CALCR: variants seen among roughly 807,000 people sequenced by gnomAD.
The protein encoded by CALCR is calcitonin receptor.
Under a neutral mutation model 59.5 loss-of-function variants are expected in CALCR, and 47 were observed. The observed-to-expected ratio is 0.79, with a 90% confidence interval of 0.63 to 1.01. The LOEUF is 1.01. Among genes scored for constraint, CALCR ranks in the 50% least tolerant of loss-of-function variants. CALCR has a pLI of 0.00. For missense variants in CALCR, 566 were observed against 597.1 expected (o/e 0.95, Z 0.54); for synonymous variants, 213 against 211.3 (o/e 1.01, Z -0.07).
chr7:93,472,542 A>T (rs1244977355), intron 5 of CALCR, 55 bp from the exon 6 acceptor site: 10 of 1,030,886 alleles, frequency 9.7e-6, no homozygotes, highest in Non-Finnish European at 1.5e-5. Context: ...CCAACAAGGA[A>T]AAATAATAAA....
intron 8 of CALCR, among the ~76,000 whole-genome samples, chr7:93,453,926 A>C (rs1226201047): frequency 6.6e-6 from 1 of 152,094 alleles, no homozygotes; most frequent in Non-Finnish European, 1.5e-5. Flanking sequence ...AAGTAAACTG[A>C]AGTAGCATAG....
At chr7:93,554,774 T>C (rs1467077048) in intron 2 of CALCR, among the ~76,000 whole-genome samples, 1 of 115,494 alleles carries the variant, frequency 8.7e-6, no homozygotes, top group Non-Finnish European at 1.8e-5. Flanking sequence ...GCCATGTATA[T>C]ATATATATAT....
intron 8 of CALCR, among the ~76,000 whole-genome samples, chr7:93,458,967 G>A (rs991500303): frequency 1.1e-4 from 17 of 152,108 alleles, no homozygotes; most frequent in Non-Finnish European, 7.4e-5. Context: ...TAACAAATAA[G>A]GAAAAGATTT....
intron 8 of CALCR, among the ~76,000 whole-genome samples, chr7:93,450,098 T>C (rs896697974): frequency 5.3e-5 from 8 of 152,034 alleles, no homozygotes; most frequent in African/African-American, 1.9e-4. Context: ...CCATCTATCC[T>C]TTCACTTTAC....
intron 8 of CALCR, among the ~76,000 whole-genome samples, chr7:93,452,134 G>A (rs1800122243): frequency 6.6e-6 from 1 of 151,966 alleles, no homozygotes; most frequent in African/African-American, 2.4e-5. Context: ...AGATGCCCAT[G>A]TAAAAGCCTA....
At chr7:93,554,570 G>T (rs1789542871) in intron 2 of CALCR, among the ~76,000 whole-genome samples, 1 of 151,772 alleles carries the variant, frequency 6.6e-6, no homozygotes, top group Non-Finnish European at 1.5e-5. Flanking sequence ...CCTACGGGAG[G>T]CAGGGATGAG....
intron 2 of CALCR, among the ~76,000 whole-genome samples, chr7:93,503,432 A>G (rs78380692): frequency 2.7e-4 from 41 of 152,226 alleles, no homozygotes; most frequent in African/African-American, 9.6e-4. Flanking sequence ...ACACATACAC[A>G]TACACACGAC....
chr7:93,460,763 A>C, intron 8 of CALCR, 58 bp downstream of exon 8: 1 of 1,295,682 alleles, frequency 7.7e-7, no homozygotes, highest in South Asian at 1.5e-5. Context: ...CATGTTCACT[A>C]TTTACAGGTA....
At chr7:93,519,322 C>T (rs981700098) in intron 2 of CALCR, among the ~76,000 whole-genome samples, 3 of 151,906 alleles carry the variant, frequency 2.0e-5, no homozygotes, top group Non-Finnish European at 2.9e-5. Flanking sequence ...GTTTTAATTA[C>T]AATAATTTTA....
intron 2 of CALCR, among the ~76,000 whole-genome samples, chr7:93,501,806 G>A (rs754989608): frequency 1.3e-4 from 20 of 152,016 alleles, no homozygotes; most frequent in Non-Finnish European, 2.2e-4. Context: ...AGGATCTGTC[G>A]CTTTCCCTAA....
chr7:93,471,387 G>T (rs1160635970), intron 6 of CALCR, among the ~76,000 whole-genome samples: 1 of 151,790 alleles, frequency 6.6e-6, no homozygotes, highest in Admixed American at 6.6e-5. Flanking sequence ...TGGCTGTGGT[G>T]CCCTTAGCTT....
chr7:93,530,750 A>G (rs972424471), intron 2 of CALCR, among the ~76,000 whole-genome samples: 14 of 152,262 alleles, frequency 9.2e-5, no homozygotes, highest in Admixed American at 3.9e-4. Flanking sequence ...CAGCCTTATT[A>G]CATCCTTATA....
intron 9 of CALCR, chr7:93,441,625 G>A: frequency 2.3e-6 from 1 of 432,444 alleles, no homozygotes. Context: ...GAAAGAGCAG[G>A]AGAACCTGTT....
intron 13 of CALCR, among the ~76,000 whole-genome samples, chr7:93,427,328 T>C (rs1156860254): frequency 6.6e-6 from 1 of 152,244 alleles, no homozygotes; most frequent in African/African-American, 2.4e-5. Context: ...CTCTGCTTTT[T>C]ATAGAAACGA....
chr7:93,460,566 A>ATAT (rs1399357588), intron 8 of CALCR, among the ~76,000 whole-genome samples: 12 of 82,276 alleles, frequency 1.5e-4, no homozygotes, highest in African/African-American at 1.2e-3. Context: ...AAAAAAAAAA[A>ATAT]AAAAAAATAT....
chr7:93,465,389 C>G (rs1236388359), intron 7 of CALCR, among the ~76,000 whole-genome samples: 2 of 151,926 alleles, frequency 1.3e-5, no homozygotes, highest in African/African-American at 4.8e-5. Context: ...CTATTGGAAT[C>G]TAGCAGTAAG....
intron 11 of CALCR, among the ~76,000 whole-genome samples, chr7:93,436,699 A>C (rs1203415240): frequency 6.6e-6 from 1 of 152,100 alleles, no homozygotes; most frequent in Non-Finnish European, 1.5e-5. Context: ...CTGTATCTGA[A>C]GCTCATGAAG....
intron 3 of CALCR, among the ~76,000 whole-genome samples, chr7:93,481,930 C>G (rs1451627281): frequency 6.6e-6 from 1 of 151,814 alleles, no homozygotes; most frequent in Non-Finnish European, 1.5e-5. Flanking sequence ...ACTTGATGAG[C>G]CCAACATTGT....
intron 9 of CALCR, among the ~76,000 whole-genome samples, chr7:93,439,541 C>A (rs925710832): frequency 6.6e-6 from 1 of 152,080 alleles, no homozygotes; most frequent in Non-Finnish European, 1.5e-5. Context: ...CCTTTTAACG[C>A]CCAGGGCTCT....
Sources: allele counts gnomAD v4.1 joint callset (sites outside exome capture counted in the v4.1 genomes callset), GRCh38; gene constraint gnomAD v4.1.1; transcripts MANE v1.5; gene names NCBI Gene and HGNC (gene_info 2026-07-23, HGNC 2026-07-21).